TUT4: variants seen among roughly 807,000 people sequenced by gnomAD.
The protein encoded by TUT4 is terminal uridylyl transferase 4.
Under a neutral mutation model 192.2 loss-of-function variants are expected in TUT4, and 36 were observed. The observed-to-expected ratio is 0.19, with a 90% CI of 0.14 to 0.25. The LOEUF (loss-of-function observed/expected upper bound fraction) is 0.25, where lower values mean the gene tolerates loss of function less well. TUT4 is among the 10% of genes least tolerant of loss of function. The pLI is 1.00. For missense variants in TUT4, 1,493 were observed against 1,957.2 expected (o/e 0.76, Z 4.47); for synonymous variants, 618 against 666.0 (o/e 0.93, Z 1.11).
intron 1 of TUT4, chr1:52,538,664 GAAAAGAAAAAAAA>G (rs1176724240): frequency 3.5e-4 from 35 of 100,100 alleles, no homozygotes; most frequent in African/African-American, 1.2e-3. Flanking sequence ...AAAAAGAAAA[GAAAAGAAAAAAAA>G]AAAAGAAAAA....
rs763965956 is a variant in TUT4, at chr1:52,461,625, A to G, written c.3128-9T>C. On this transcript the variant is annotated splice_polypyrimidine_tract_variant and intron_variant, in intron 17 of 29. Coordinates refer to ENST00000257177, the MANE Select transcript of TUT4 (RefSeq NM_001009881.3). ...CAAAATGTTTCTTAAACCTAATTTA[A>G]AAAAAAAAGACTTCAGTAGGTTAAA... is the stretch of plus-strand genomic sequence containing the variant. The G allele has an allele frequency of 1.3e-5, 21 of 1,586,642 alleles. No individual in the cohort carries two copies. The highest frequency in any genetic ancestry group is 1.8e-5 in the Non-Finnish European group (21 of 1,168,582).
chr1:52,522,987 CTTTTTTTTT>C (rs748149518), intron 2 of TUT4, among the ~76,000 whole-genome samples: 5 of 89,566 alleles, frequency 5.6e-5, no homozygotes, highest in South Asian at 4.5e-4. Flanking sequence ...CCTTAACTAT[CTTTTTTTTT>C]TTTTTTTTTT....
chr1:52,472,751 A>C (rs961510140), intron 13 of TUT4, among the ~76,000 whole-genome samples: 5 of 152,108 alleles, frequency 3.3e-5, no homozygotes, highest in Non-Finnish European at 4.4e-5. Flanking sequence ...ATTTCAATGG[A>C]CACCAAACAA....
intron 19 of TUT4, among the ~76,000 whole-genome samples, chr1:52,458,741 G>A (rs1446540545): frequency 6.6e-6 from 1 of 152,118 alleles, no homozygotes; most frequent in Non-Finnish European, 1.5e-5. Context: ...CTCACACACT[G>A]CAGGTGAGAG....
At chr1:52,523,929 T>C (rs923981751) in intron 2 of TUT4, among the ~76,000 whole-genome samples, 1 of 152,218 alleles carries the variant, frequency 6.6e-6, no homozygotes, top group Non-Finnish European at 1.5e-5. Context: ...AAATAGGTTC[T>C]TTTTATTTCT....
At chr1:52,481,388 T>C (rs1276791242) in intron 11 of TUT4, 35 bp downstream of exon 11, 5 of 1,600,806 alleles carry the variant, frequency 3.1e-6, no homozygotes, top group East Asian at 4.5e-5. Flanking sequence ...ATTCTACAGA[T>C]AGAAAAGCCA....
intron 1 of TUT4, among the ~76,000 whole-genome samples, chr1:52,547,604 C>CA (rs770261329): frequency 2.0e-5 from 3 of 152,080 alleles, no homozygotes; most frequent in African/African-American, 2.4e-5. Context: ...TCCTTATAGG[C>CA]AAAAAGTAGA....
At chr1:52,471,311 G>A (rs1380346960) in intron 14 of TUT4, among the ~76,000 whole-genome samples, 4 of 152,004 alleles carry the variant, frequency 2.6e-5, no homozygotes, top group Non-Finnish European at 2.9e-5. Context: ...CACTGCGCCC[G>A]GCCACTCTAT....
chr1:52,526,741 T>C (rs1681866380), intron 1 of TUT4, among the ~76,000 whole-genome samples: 1 of 152,176 alleles, frequency 6.6e-6, no homozygotes, highest in African/African-American at 2.4e-5. Context: ...AATTCCAATC[T>C]TGGCTGGGTG....
intron 14 of TUT4, among the ~76,000 whole-genome samples, chr1:52,470,077 C>T (rs1665311577): frequency 6.6e-6 from 1 of 151,960 alleles, no homozygotes; most frequent in African/African-American, 2.4e-5. Flanking sequence ...ATAAAAGGAA[C>T]CACAGCTCCT....
intron 20 of TUT4, among the ~76,000 whole-genome samples, chr1:52,452,762 C>T (rs1211847289): frequency 6.6e-6 from 1 of 152,110 alleles, no homozygotes; most frequent in African/African-American, 2.4e-5. Context: ...AACCAGTAAG[C>T]CTAAGTAAAT....
In TUT4 at chr1:52,423,701, A is replaced by T. The variant is rs991824285; in HGVS notation, c.*234T>A. On this transcript the variant is annotated 3_prime_UTR_variant, in exon 30 of 30. Coordinates refer to ENST00000257177, the MANE Select transcript of TUT4 (RefSeq NM_001009881.3). Reference sequence around the variant, plus strand: ...ACTCAATTTGGTGATACTAGTAAAAACTATAGTTCATATTTATATACAAAT... The same window carrying T: ...ACTCAATTTGGTGATACTAGTAAAATCTATAGTTCATATTTATATACAAAT... 4 of 933,798 alleles carry T rather than the reference A, an allele frequency of 4.3e-6. No individual in the cohort carries two copies. The Admixed American group carries it at 1.2e-4, about 28-fold the overall frequency. The allele number at this position is 933,798 out of a possible 1,614,324, so 57.8% of individuals were successfully genotyped here. A position where few individuals can be genotyped will look rare whatever the true frequency, so the allele number is the denominator to read the frequency against.
chr1:52,535,712 T>C (rs1181087775), intron 1 of TUT4, among the ~76,000 whole-genome samples: 1 of 152,016 alleles, frequency 6.6e-6, no homozygotes, highest in African/African-American at 2.4e-5. Flanking sequence ...CAGCGTAAAC[T>C]CAAAGAAATC....
rs987641441 is a variant in TUT4 at position 52,449,080 on chromosome 1, C to G, written c.3436-2413G>C. Among the ~76,000 whole-genome samples, 12 of 151,720 alleles carry G rather than the reference C, an allele frequency of 7.9e-5. No individual in the cohort carries two copies. The East Asian group carries it at 2.0e-3, about 25-fold the overall frequency. ...CTATACACTTTTACACACACACACA[C>G]ACAGACACACACACACACACTCTCT... On this transcript the variant is annotated intron_variant, in intron 20 of 29. Coordinates refer to ENST00000257177, the MANE Select transcript of TUT4 (RefSeq NM_001009881.3).
intron 20 of TUT4, among the ~76,000 whole-genome samples, chr1:52,458,028 A>C (rs1661468109): frequency 6.6e-6 from 1 of 152,236 alleles, no homozygotes; most frequent in Admixed American, 6.5e-5. Flanking sequence ...ACTATAAAAT[A>C]TATGAGTTCA....
intron 4 of TUT4, among the ~76,000 whole-genome samples, chr1:52,502,208 A>G (rs896272419): frequency 5.3e-5 from 8 of 151,962 alleles, no homozygotes; most frequent in Non-Finnish European, 1.2e-4. Context: ...CATGGAATAT[A>G]AAGCATTTTG....
chr1:52,530,809 C>T (rs1323428433), intron 1 of TUT4, among the ~76,000 whole-genome samples: 1 of 152,022 alleles, frequency 6.6e-6, no homozygotes, highest in Non-Finnish European at 1.5e-5. Flanking sequence ...TCGAGGCCAG[C>T]CTGGGCAACA....
At chr1:52,439,230 T>C (rs1406432954) in intron 24 of TUT4, among the ~76,000 whole-genome samples, 1 of 152,110 alleles carries the variant, frequency 6.6e-6, no homozygotes, top group East Asian at 1.9e-4. Context: ...ACTCTGTCTC[T>C]AAAAACTAAA....
chr1:52,493,740 A>C (rs1357673372), intron 6 of TUT4, 78 bp from the exon 7 acceptor site: 3 of 843,804 alleles, frequency 3.6e-6, no homozygotes, highest in Non-Finnish European at 5.8e-6. Flanking sequence ...ACTCAATTTC[A>C]TTAAAGAATA....
Sources: allele counts gnomAD v4.1 joint callset (sites outside exome capture counted in the v4.1 genomes callset), GRCh38; gene constraint gnomAD v4.1.1; transcripts MANE v1.5; gene names NCBI Gene and HGNC (gene_info 2026-07-23, HGNC 2026-07-21).